Variants in RIC1 observed in about 807,000 individuals in gnomAD.
The protein encoded by RIC1 is RIC1 partner of RAB6A GEF complex.
A neutral mutation model predicts 169.0 loss-of-function variants in RIC1; 88 were observed. The observed-to-expected ratio is 0.52, with a 90% CI of 0.44 to 0.62. RIC1 has a LOEUF of 0.62. Ranked by LOEUF, RIC1 falls within the 20% of genes least tolerant of loss-of-function variation. RIC1 has a pLI of 0.00. For synonymous variants in RIC1, 790 were observed against 601.5 expected (o/e 1.31, Z -4.59); for missense variants, 1,877 against 1,725.5 (o/e 1.09, Z -1.56).
intron 8 of RIC1, among the ~76,000 whole-genome samples, chr9:5,741,877 G>T (rs1035754870): frequency 3.3e-5 from 5 of 152,122 alleles, no homozygotes; most frequent in African/African-American, 1.2e-4. Context: ...TTTTTTGTGT[G>T]TGTAGCGCTT....
At chr9:5,644,160 C>G (rs370149396) in intron 1 of RIC1, among the ~76,000 whole-genome samples, 37 of 152,168 alleles carry the variant, frequency 2.4e-4, no homozygotes, top group African/African-American at 8.9e-4. Flanking sequence ...CATCCATAAT[C>G]ACAGTCTAGT....
At chr9:5,698,470 G>A (rs1030057806) in intron 3 of RIC1, among the ~76,000 whole-genome samples, 2 of 152,164 alleles carry the variant, frequency 1.3e-5, no homozygotes, top group Admixed American at 6.5e-5. Context: ...CATTGGAATA[G>A]AAAACTGGGA....
At chr9:5,727,399 A>G (rs1252409037) in intron 6 of RIC1, among the ~76,000 whole-genome samples, 1 of 152,142 alleles carries the variant, frequency 6.6e-6, no homozygotes, top group Non-Finnish European at 1.5e-5. Context: ...ACGTCATTTT[A>G]GGTCCTTGCT....
intron 3 of RIC1, among the ~76,000 whole-genome samples, chr9:5,699,806 A>G (rs972243478): frequency 6.6e-6 from 1 of 152,198 alleles, no homozygotes; most frequent in African/African-American, 2.4e-5. Flanking sequence ...CATATACAGT[A>G]TTAAAATTAG....
In RIC1 at chr9:5,772,969, C is replaced by T. The variant is rs752810723; in HGVS notation, c.3872C>T (p.Ser1291Leu). ...ATAGGCCTGATTCTTAGAGAATCCTCAATAATCAATCAGATTTTGGTTATT... is the reference window on the plus strand; with the variant it reads ...ATAGGCCTGATTCTTAGAGAATCCTTAATAATCAATCAGATTTTGGTTATT... ...IVIGLILRES[S>L]IINQILVITQ... Residue 1291 changes from serine (S) to leucine (L), a missense_variant, in exon 25 of 26, where the codon TCA becomes TTA. Transcript: ENST00000414202. 210 of 1,612,870 alleles carry T rather than the reference C, an allele frequency of 1.3e-4. No individual in the cohort carries two copies. The highest frequency in any genetic ancestry group is 1.7e-4 in the Non-Finnish European group (206 of 1,179,192).
chr9:5,727,062 G>A (rs1824040726), intron 6 of RIC1, among the ~76,000 whole-genome samples: 1 of 152,140 alleles, frequency 6.6e-6, no homozygotes, highest in Non-Finnish European at 1.5e-5. Context: ...GAGTATCTTT[G>A]TGGCGTTCCC....
intron 3 of RIC1, among the ~76,000 whole-genome samples, chr9:5,707,109 C>T (rs79412093): frequency 0.026 from 3,970 of 152,220 alleles, 169 homozygotes; most frequent in African/African-American, 0.087. Context: ...AGTTTCAGAG[C>T]ATTTCCTGAT....
downstream of RIC1, among the ~76,000 whole-genome samples, chr9:5,777,452 TAGACTG>T (rs1827650863): frequency 6.6e-6 from 1 of 151,846 alleles, no homozygotes; most frequent in Non-Finnish European, 1.5e-5. Context: ...AAGTCTGACT[TAGACTG>T]AGTGTTGTCA....
intron 2 of RIC1, among the ~76,000 whole-genome samples, chr9:5,669,318 T>C (rs1458916395): frequency 6.6e-6 from 1 of 152,176 alleles, no homozygotes; most frequent in East Asian, 1.9e-4. Context: ...CAAAGTCCAT[T>C]GTATCATTAT....
intron 2 of RIC1, among the ~76,000 whole-genome samples, chr9:5,685,395 C>G (rs1274482922): frequency 6.6e-6 from 1 of 151,554 alleles, no homozygotes; most frequent in African/African-American, 2.4e-5. Flanking sequence ...GCTACAGTAA[C>G]CAAAACAGCA....
chr9:5,665,364 C>G (rs1364319499), intron 2 of RIC1, among the ~76,000 whole-genome samples: 2 of 152,168 alleles, frequency 1.3e-5, no homozygotes, highest in Admixed American at 6.6e-5. Flanking sequence ...ATGTTTCTTA[C>G]TTTGCATTGG....
At chr9:5,662,090 A>G (rs971288910) in intron 2 of RIC1, among the ~76,000 whole-genome samples, 3 of 152,190 alleles carry the variant, frequency 2.0e-5, no homozygotes, top group Non-Finnish European at 4.4e-5. Flanking sequence ...TGAGATAATC[A>G]TGTGGTTTTT....
At chr9:5,769,491 C>T in intron 22 of RIC1, 2 of 1,412,766 alleles carry the variant, frequency 1.4e-6, no homozygotes, top group African/African-American at 1.4e-5. Flanking sequence ...AAAATCTAAT[C>T]ATACTTGGAT....
chr9:5,645,285 C>T (rs534761998), intron 1 of RIC1, among the ~76,000 whole-genome samples: 3 of 152,276 alleles, frequency 2.0e-5, no homozygotes, highest in African/African-American at 4.8e-5. Flanking sequence ...CTCCCATCGT[C>T]AGGCTATCCT....
At chr9:5,751,128 C>G (rs1825699244) in intron 12 of RIC1, among the ~76,000 whole-genome samples, 1 of 151,694 alleles carries the variant, frequency 6.6e-6, no homozygotes, top group African/African-American at 2.4e-5. Flanking sequence ...TCCTCCATTA[C>G]CCACCCACAC....
At chr9:5,689,349 C>T (rs896203891) in intron 2 of RIC1, among the ~76,000 whole-genome samples, 1 of 152,072 alleles carries the variant, frequency 6.6e-6, no homozygotes, top group Non-Finnish European at 1.5e-5. Flanking sequence ...CCGCGCCCGG[C>T]CTACAATTTG....
intron 4 of RIC1, among the ~76,000 whole-genome samples, chr9:5,718,230 A>C (rs1330626576): frequency 1.3e-5 from 2 of 151,504 alleles, no homozygotes; most frequent in African/African-American, 4.8e-5. Context: ...TTTCTATACA[A>C]GGCTGGTTTA....
chr9:5,635,704 C>G (rs935297375), intron 1 of RIC1, among the ~76,000 whole-genome samples: 1 of 152,162 alleles, frequency 6.6e-6, no homozygotes, highest in African/African-American at 2.4e-5. Flanking sequence ...GGTAGGGGGT[C>G]ATTAGATCAT....
chr9:5,754,905 A>G lies in RIC1; in HGVS notation c.1667A>G (p.Tyr556Cys). ...AATGATTTTATGGTCCTTGCGTGTT[A>G]TAACATAAATGACCGTCAAGAAGAG... is the stretch of plus-strand genomic sequence containing the variant. ...WWNDFMVLAC[Y>C]NINDRQEELR... Residue 556 changes from tyrosine (Y) to cysteine (C), a missense_variant, in exon 15 of 26, where the codon TAT (tyrosine) becomes TGT (cysteine). Tyr to Cys is a radical substitution (Grantham distance 194, BLOSUM62 -2). Around this residue, in one of 3 missense-constraint regions of RIC1, gnomAD observed 1,104 missense variants for 992.0 expected, o/e 1.11. Transcript: ENST00000414202. The G allele has an allele frequency of 1.9e-6, 3 of 1,561,768 alleles. No individual in the cohort carries two copies. Among genetic ancestry groups the G allele is most frequent in the East Asian group, 2.3e-5 (1 of 44,292 alleles).
Sources: allele counts gnomAD v4.1 joint callset (sites outside exome capture counted in the v4.1 genomes callset), GRCh38; gene constraint gnomAD v4.1.1; regional missense constraint gnomAD v4.1.1; transcripts MANE v1.5; gene names NCBI Gene and HGNC (gene_info 2026-07-23, HGNC 2026-07-21).